Variants in MPPED1 observed in about 807,000 individuals in gnomAD.
MPPED1 encodes metallophosphoesterase domain containing 1, also known as metallophosphoesterase domain-containing protein 1.
Under a neutral mutation model 36.2 loss-of-function variants are expected in MPPED1, and 16 were observed. The ratio of observed to expected loss-of-function variants is 0.44; its 90% CI spans 0.30 to 0.67. The LOEUF is 0.67. Ranked by LOEUF, MPPED1 falls within the 30% of genes least tolerant of loss-of-function variation. The probability of loss-of-function intolerance (pLI) is 0.10; values close to 1 mark genes in which losing one functional copy is unlikely to be tolerated. For synonymous variants in MPPED1, 199 were observed against 191.3 expected, an observed-to-expected ratio of 1.04 and a Z score of -0.33; for missense variants, 307 against 453.4, an observed-to-expected ratio of 0.68 and a Z score of 2.93.
At chr22:43,488,741 G>C (rs1931992917) in intron 4 of MPPED1, among the ~76,000 whole-genome samples, 1 of 152,228 alleles carries the variant, frequency 6.6e-6, no homozygotes, top group Non-Finnish European at 1.5e-5. Flanking sequence ...CATTCTGTAA[G>C]AAAATTATTC....
intron 4 of MPPED1, among the ~76,000 whole-genome samples, chr22:43,497,929 G>GTGTGTATATATA (rs1555904565): frequency 1.0e-4 from 5 of 48,748 alleles, no homozygotes; most frequent in Non-Finnish European, 1.0e-4. Context: ...ATATATATAT[G>GTGTGTATATATA]TATATGTATA....
chr22:43,502,548 T>A lies in MPPED1; in HGVS notation c.749-96T>A, dbSNP rs1334512064. The A allele has an allele frequency of 2.1e-6, 2 of 942,302 alleles. No homozygotes were observed. Among genetic ancestry groups the A allele is most frequent in the African/African-American group, 3.2e-5 (2 of 61,582 alleles). The allele number at this position is 942,302 out of a possible 1,614,324, so 58.4% of individuals were successfully genotyped here. On this transcript the variant is annotated intron_variant, in intron 5 of 6. Coordinates refer to ENST00000443721, the MANE Select transcript of MPPED1 (RefSeq NM_001044370.2). The surrounding 1 kb of genome is among the most constrained non-coding windows in gnomAD (Gnocchi z 5.5). ...GCAAAGCCGGAGTCCGGAAGCCCCA[T>A]GCCTTCTCCAGGCTGCAGAAGCTGC... is the stretch of plus-strand genomic sequence containing the variant.
At chr22:43,500,128 A>G (rs1428609650) in intron 5 of MPPED1, among the ~76,000 whole-genome samples, 2 of 49,220 alleles carry the variant, frequency 4.1e-5, no homozygotes, top group Non-Finnish European at 8.8e-5. Flanking sequence ...GTGGTGATGG[A>G]GGTGGTAATG....
intron 4 of MPPED1, among the ~76,000 whole-genome samples, chr22:43,476,965 C>T (rs892696604): frequency 3.3e-5 from 5 of 152,284 alleles, no homozygotes; most frequent in African/African-American, 1.2e-4. Context: ...CAGGTGCACA[C>T]ACACAGCCTG....
At chr22:43,426,223 C>T (rs188422029) in intron 2 of MPPED1, among the ~76,000 whole-genome samples, 7 of 152,146 alleles carry the variant, frequency 4.6e-5, no homozygotes, top group East Asian at 1.9e-4. Flanking sequence ...CTGGGCCTCC[C>T]GCATCCTCAG....
chr22:43,462,086 A>G (rs1930975771), intron 3 of MPPED1, among the ~76,000 whole-genome samples: 1 of 152,142 alleles, frequency 6.6e-6, no homozygotes, highest in South Asian at 2.1e-4. Flanking sequence ...CGGAGGAATC[A>G]GCCAGCTTTG....
chr22:43,416,891 G>C, intron 1 of MPPED1: 1 of 709,900 alleles, frequency 1.4e-6, no homozygotes, highest in Non-Finnish European at 1.7e-6. Context: ...CTCGGGGCTC[G>C]TTCTGTGCAA....
chr22:43,495,411 A>AGGT (rs1189400544), intron 4 of MPPED1, among the ~76,000 whole-genome samples: 35 of 135,566 alleles, frequency 2.6e-4, no homozygotes, highest in Non-Finnish European at 5.1e-4. Flanking sequence ...GTGGTGATGG[A>AGGT]GGTGGTGGTG....
intron 3 of MPPED1, among the ~76,000 whole-genome samples, chr22:43,467,047 G>A (rs551728910): frequency 2.0e-5 from 3 of 152,226 alleles, no homozygotes; most frequent in Non-Finnish European, 4.4e-5. Context: ...TGGGGCTCAC[G>A]TGTCTTCATC....
intron 3 of MPPED1, among the ~76,000 whole-genome samples, chr22:43,472,952 G>A (rs1261399005): frequency 1.3e-5 from 2 of 150,952 alleles, no homozygotes; most frequent in Admixed American, 6.6e-5. Flanking sequence ...TGGAGCTCAC[G>A]TAAGGGCTGG....
intron 5 of MPPED1, among the ~76,000 whole-genome samples, chr22:43,499,093 G>T (rs1932526765): frequency 6.6e-6 from 1 of 151,014 alleles, no homozygotes; most frequent in Non-Finnish European, 1.5e-5. Context: ...TGGAGGTGGT[G>T]GTGGTGGAGG....
At chr22:43,452,046 C>T (rs149650235) in intron 3 of MPPED1, among the ~76,000 whole-genome samples, 5,128 of 148,524 alleles carry the variant, frequency 0.035, 159 homozygotes, top group Admixed American at 0.085. Flanking sequence ...GAAATGGAGT[C>T]TTGCTCTGTT....
At chr22:43,483,798 C>T (rs1376993745) in intron 4 of MPPED1, among the ~76,000 whole-genome samples, 1 of 152,148 alleles carries the variant, frequency 6.6e-6, no homozygotes, top group Non-Finnish European at 1.5e-5. Flanking sequence ...ATTGTGTCTG[C>T]CTCAGTCTGT....
At chr22:43,413,011 C>T (rs1601939306) in intron 1 of MPPED1, among the ~76,000 whole-genome samples, 1 of 152,220 alleles carries the variant, frequency 6.6e-6, no homozygotes, top group Admixed American at 6.5e-5. Flanking sequence ...CGGGCTCAAG[C>T]TGGGTGGCCC....
chr22:43,448,578 T>TTTATTTATTTA (rs1930446008), intron 3 of MPPED1, among the ~76,000 whole-genome samples: 7 of 147,240 alleles, frequency 4.8e-5, no homozygotes, highest in African/African-American at 1.5e-4. Context: ...TTTAAAATCT[T>TTTATTTATTTA]TTTATTTATT....
In MPPED1 at chr22:43,430,393, A is replaced by G. The variant is rs190884732; in HGVS notation, c.225-4641A>G. ...AGGTTGGTGAAGTTCTCACAACATG[A>G]CAAAGAGGGAGTGGCTTGTCCCCAC... is the stretch of plus-strand genomic sequence containing the variant. On this transcript the variant is annotated intron_variant, in intron 2 of 6. Coordinates refer to ENST00000443721, the MANE Select transcript of MPPED1 (RefSeq NM_001044370.2). Among the ~76,000 whole-genome samples, 21 of 152,306 alleles carry G rather than the reference A, an allele frequency of 1.4e-4. No homozygotes were observed. In the East Asian group the frequency reaches 3.7e-3, roughly 27 times the overall value.
At chr22:43,491,742 A>ATGGAGGTGGTGGAGGTGG (rs1932104257) in intron 4 of MPPED1, among the ~76,000 whole-genome samples, 1 of 95,624 alleles carries the variant, frequency 1.0e-5, no homozygotes, top group African/African-American at 4.5e-5. Context: ...GGTGGTGGTG[A>ATGGAGGTGGTGGAGGTGG]TGGTGATGGA....
At chr22:43,459,289 G>A (rs572611472) in intron 3 of MPPED1, among the ~76,000 whole-genome samples, 4 of 152,164 alleles carry the variant, frequency 2.6e-5, no homozygotes, top group Non-Finnish European at 4.4e-5. Context: ...CCATGATGGG[G>A]TATTGCCAGG....
At chr22:43,413,985 G>C (rs77870938) in intron 1 of MPPED1, among the ~76,000 whole-genome samples, 3,943 of 152,254 alleles carry the variant, frequency 0.026, 175 homozygotes, top group African/African-American at 0.087. Flanking sequence ...GGCCGAGGAG[G>C]TACCTCTGAT....
Sources: gnomAD v4.1 joint callset for allele counts (sites outside exome capture counted in the v4.1 genomes callset) on GRCh38, gnomAD v4.1.1 for gene constraint, Gnocchi (gnomAD v3.1) non-coding constraint, MANE v1.5 for transcripts, NCBI Gene and HGNC (gene_info 2026-07-23, HGNC 2026-07-21) for gene names.